The following CPXM2 variants were observed in gnomAD, a reference collection of about 807,000 sequenced individuals.
CPXM2 encodes carboxypeptidase X, M14 family member 2, also known as inactive carboxypeptidase-like protein X2.
A neutral mutation model predicts 86.1 loss-of-function variants in CPXM2; 66 were observed. The ratio of observed to expected loss-of-function variants is 0.77; its 90% confidence interval spans 0.63 to 0.94. The LOEUF (loss-of-function observed/expected upper bound fraction) is 0.94, where lower values mean the gene tolerates loss of function less well. Ranked by LOEUF, CPXM2 falls within the 40% of genes least tolerant of loss-of-function variation. CPXM2 has a pLI of 0.00. For synonymous variants in CPXM2, 388 were observed against 400.2 expected (o/e 0.97, Z 0.36); for missense variants, 948 against 1,026.3 (o/e 0.92, Z 1.04).
intron 6 of CPXM2, among the ~76,000 whole-genome samples, chr10:123,789,800 G>A (rs1012676585): frequency 6.6e-6 from 1 of 152,184 alleles, no homozygotes; most frequent in African/African-American, 2.4e-5. Context: ...CACAGTCTAA[G>A]CTAATTCCGA....
intron 2 of CPXM2, among the ~76,000 whole-genome samples, chr10:123,901,601 A>G (rs1564818149): frequency 6.6e-6 from 1 of 152,198 alleles, no homozygotes; most frequent in Non-Finnish European, 1.5e-5. Context: ...TATTGTGAAC[A>G]AATGTGAACC....
chr10:123,848,836 C>A (rs1340560077), intron 3 of CPXM2, among the ~76,000 whole-genome samples: 1 of 152,162 alleles, frequency 6.6e-6, no homozygotes, highest in Non-Finnish European at 1.5e-5. Flanking sequence ...TAAATACCCC[C>A]AGTTAGGTCA....
At chr10:123,816,058 A>C (rs576743852) in intron 4 of CPXM2, among the ~76,000 whole-genome samples, 1 of 152,220 alleles carries the variant, frequency 6.6e-6, no homozygotes, top group South Asian at 2.1e-4. Flanking sequence ...GAAATGTCTG[A>C]TCTCCCTTGG....
intron 4 of CPXM2, among the ~76,000 whole-genome samples, chr10:123,834,234 T>C (rs560088407): frequency 2.0e-5 from 3 of 152,302 alleles, no homozygotes; most frequent in African/African-American, 7.2e-5. Context: ...CAGTGCTTTC[T>C]GCACTAAAGA....
intron 2 of CPXM2, among the ~76,000 whole-genome samples, chr10:123,924,613 T>G (rs1279376322): frequency 1.3e-5 from 2 of 152,160 alleles, no homozygotes; most frequent in Non-Finnish European, 2.9e-5. Context: ...GCTCTCTGAT[T>G]TTTATGGAAG....
intron 4 of CPXM2, among the ~76,000 whole-genome samples, chr10:123,841,308 G>A (rs887311984): frequency 3.9e-5 from 6 of 152,136 alleles, no homozygotes; most frequent in Admixed American, 2.6e-4. Flanking sequence ...GCCCTGAGCC[G>A]CCGCGGTCGA....
intron 2 of CPXM2, chr10:123,914,089 T>A: frequency 2.1e-6 from 1 of 474,282 alleles, no homozygotes; most frequent in Non-Finnish European, 4.3e-6. Context: ...GAGCATGCAA[T>A]TTGGGAGGAG....
intron 4 of CPXM2, among the ~76,000 whole-genome samples, chr10:123,812,226 C>G (rs573587206): frequency 6.6e-6 from 1 of 152,060 alleles, no homozygotes; most frequent in Admixed American, 6.6e-5. Flanking sequence ...AGATAAATTG[C>G]AGTATACCTG....
At position 123,798,947 on chromosome 10, in the gene CPXM2, G is replaced by T. The variant is rs188670506; in HGVS notation, c.738+168C>A. 1.6e-3 allele frequency among the ~76,000 whole-genome samples: 247 copies of T among 152,350 alleles called. 1 individual carries two copies. The highest frequency in any genetic ancestry group is 5.8e-3 in the African/African-American group (240 of 41,576). On this transcript the variant is annotated intron_variant, in intron 5 of 13. Transcript: ENST00000241305. ...TAGCTCTAAATGTGTGTCACTTGCT[G>T]CTGGGCTTCAGGGCAGGGAAAGGGT...
rs78225747 is a variant in CPXM2 at position 123,877,888 on chromosome 10, G to A, written c.403+2323C>T. Reference sequence around the variant, plus strand: ...CCATAAGGATGACTTCTACATCTGAGATGAGCCTTTTAACCCCATCCACTC... The same window carrying A: ...CCATAAGGATGACTTCTACATCTGAAATGAGCCTTTTAACCCCATCCACTC... On this transcript the variant is annotated intron_variant, in intron 2 of 13. Coordinates refer to ENST00000241305, the MANE Select transcript of CPXM2 (RefSeq NM_198148.3). Among the ~76,000 whole-genome samples the A allele has an allele frequency of 2.0e-3, 297 of 152,302 alleles. 1 individual carries two copies. The highest frequency in any genetic ancestry group is 4.1e-3 in the Admixed American group (63 of 15,298).
chr10:123,757,228 G>A lies in CPXM2; in HGVS notation c.1902C>T (p.Ile634=), dbSNP rs76525337. ...CGCAATATACCTGCTCCATGAACAC[G>A]ATCAGAGATTCCCGGTTATTCTCCC... ...EEWENNRESL[I]VFMEQVHRGI... The change falls in exon 12 of 14, where the codon ATC becomes ATT. Residue 634 remains isoleucine, a synonymous_variant. Transcript: ENST00000241305. 489 of 1,613,954 alleles carry A rather than the reference G, an allele frequency of 3.0e-4. 4 individuals carry two copies. In the East Asian group the frequency reaches 9.1e-3, roughly 30 times the overall value.
intron 4 of CPXM2, among the ~76,000 whole-genome samples, chr10:123,808,561 A>G (rs978718491): frequency 1.3e-5 from 2 of 152,192 alleles, no homozygotes; most frequent in Admixed American, 6.5e-5. Flanking sequence ...AAAAGTGGCT[A>G]AAAGATCTCA....
intron 3 of CPXM2, among the ~76,000 whole-genome samples, chr10:123,861,677 G>C (rs1393041741): frequency 6.6e-6 from 1 of 152,136 alleles, no homozygotes; most frequent in Non-Finnish European, 1.5e-5. Flanking sequence ...TGCTGGCTCT[G>C]AAGAAGGAAA....
chr10:123,790,481 G>C (rs994877004), intron 6 of CPXM2, among the ~76,000 whole-genome samples: 19 of 152,216 alleles, frequency 1.2e-4, no homozygotes, highest in Admixed American at 6.5e-5. Flanking sequence ...AGGGAGCAAA[G>C]AGAACCAGGA....
chr10:123,799,210 A>G lies in CPXM2; in HGVS notation c.654-11T>C, dbSNP rs1007121856. The G allele has an allele frequency of 6.2e-7, 1 of 1,613,790 alleles. No individual in the cohort carries two copies. The highest frequency in any genetic ancestry group is 8.5e-7 in the Non-Finnish European group (1 of 1,179,930). ...GTCACCCAGTCACTCCTATGAGAAA[A>G]TAAAACATCATTAGGACTACACACT... On this transcript the variant is annotated splice_polypyrimidine_tract_variant and intron_variant, in intron 4 of 13. Coordinates refer to ENST00000241305, the MANE Select transcript of CPXM2 (RefSeq NM_198148.3).
intron 6 of CPXM2, among the ~76,000 whole-genome samples, chr10:123,784,088 C>G (rs1254690085): frequency 6.6e-6 from 1 of 152,164 alleles, no homozygotes; most frequent in African/African-American, 2.4e-5. Flanking sequence ...AGAGTGTGAC[C>G]TTGCTTGGAG....
At chr10:123,906,837 C>T (rs189711398) in intron 2 of CPXM2, among the ~76,000 whole-genome samples, 13 of 152,274 alleles carry the variant, frequency 8.5e-5, no homozygotes, top group Non-Finnish European at 1.6e-4. Flanking sequence ...AAGCAACCCC[C>T]AAATTGTGCC....
At chr10:123,841,941 C>T (rs7924189) in intron 4 of CPXM2, among the ~76,000 whole-genome samples, 14,583 of 152,300 alleles carry the variant, frequency 0.096, 772 homozygotes, top group Middle Eastern at 0.17. Context: ...TCCTTCTTTC[C>T]AGGATCTGGA....
At chr10:123,759,943 A>G (rs74578712) in intron 11 of CPXM2, among the ~76,000 whole-genome samples, 1 of 152,076 alleles carries the variant, frequency 6.6e-6, no homozygotes, top group African/African-American at 2.4e-5. Flanking sequence ...AATGAGTGAG[A>G]AAAAAAATGG....
Sources: allele counts gnomAD v4.1 joint callset (sites outside exome capture counted in the v4.1 genomes callset), GRCh38; gene constraint gnomAD v4.1.1; transcripts MANE v1.5; gene names NCBI Gene and HGNC (gene_info 2026-07-23, HGNC 2026-07-21).